MKLN1: variants seen among roughly 807,000 people sequenced by gnomAD.
MKLN1 encodes muskelin 1.
In MKLN1, 18 loss-of-function variants were observed where a neutral mutation model predicts 99.0. The ratio of observed to expected loss-of-function variants is 0.18; its 90% CI spans 0.13 to 0.27. The LOEUF (loss-of-function observed/expected upper bound fraction) is 0.27. Among genes scored for constraint, MKLN1 ranks in the 10% least tolerant of loss-of-function variants. The pLI, the probability that MKLN1 is intolerant of heterozygous loss-of-function variation, is 1.00. For synonymous variants in MKLN1, 288 were observed against 293.2 expected (o/e 0.98, Z 0.18); for missense variants, 621 against 875.9 (o/e 0.71, Z 3.67).
intron 3 of MKLN1, among the ~76,000 whole-genome samples, chr7:131,296,444 T>C (rs1798292853): frequency 6.6e-6 from 1 of 152,178 alleles, no homozygotes; most frequent in East Asian, 1.9e-4. Flanking sequence ...ACACCAGAAA[T>C]AATTAACAGT....
At chr7:131,356,886 G>A (rs1371322133) in intron 1 of MKLN1, among the ~76,000 whole-genome samples, 1 of 152,136 alleles carries the variant, frequency 6.6e-6, no homozygotes, top group Non-Finnish European at 1.5e-5. Flanking sequence ...GGGGCATAAG[G>A]CAGAAGGAGG....
chr7:131,205,756 G>A (rs998570573), intron 3 of MKLN1, among the ~76,000 whole-genome samples: 3 of 152,104 alleles, frequency 2.0e-5, no homozygotes, highest in African/African-American at 4.8e-5. Context: ...GCCACTGGCT[G>A]CTCCTAGAGG....
At chr7:131,185,438 T>A (rs1331586807) in intron 2 of MKLN1, among the ~76,000 whole-genome samples, 3 of 106,654 alleles carry the variant, frequency 2.8e-5, no homozygotes, top group Non-Finnish European at 6.3e-5. Context: ...AAAAAAAAAA[T>A]TAGCCAGACA....
chr7:131,325,380 C>A (rs780965818), upstream of MKLN1, among the ~76,000 whole-genome samples: 2 of 152,070 alleles, frequency 1.3e-5, no homozygotes, highest in African/African-American at 2.4e-5. Context: ...GTCACCTAAT[C>A]CCAGAGCAGG....
At chr7:131,153,807 C>T (rs553991898) in intron 2 of MKLN1, among the ~76,000 whole-genome samples, 8 of 151,738 alleles carry the variant, frequency 5.3e-5, no homozygotes, top group South Asian at 2.1e-4. Flanking sequence ...GGATTACAGG[C>T]GTGCACCACC....
intron 1 of MKLN1, among the ~76,000 whole-genome samples, chr7:131,120,297 G>A (rs534754687): frequency 7.7e-4 from 117 of 151,788 alleles, no homozygotes; most frequent in African/African-American, 2.6e-3. Flanking sequence ...AGGCCGAGGC[G>A]GGTGGATCAC....
intron 3 of MKLN1, among the ~76,000 whole-genome samples, chr7:131,262,621 G>C (rs901157718): frequency 6.6e-6 from 1 of 151,000 alleles, no homozygotes; most frequent in East Asian, 2.0e-4. Flanking sequence ...TGCGATCTCC[G>C]CTCACTGCAA....
At chr7:131,181,825 A>G (rs558875417) in intron 2 of MKLN1, among the ~76,000 whole-genome samples, 3 of 152,132 alleles carry the variant, frequency 2.0e-5, no homozygotes, top group African/African-American at 7.2e-5. Context: ...ACGCCCAGCT[A>G]ATTTTTGTAT....
chr7:131,293,196 G>A (rs1798246659), intron 3 of MKLN1, among the ~76,000 whole-genome samples: 1 of 152,088 alleles, frequency 6.6e-6, no homozygotes, highest in African/African-American at 2.4e-5. Context: ...GAGGCTAATG[G>A]AACTGAGCCC....
At chr7:131,194,984 G>A (rs1319986158) in intron 2 of MKLN1, among the ~76,000 whole-genome samples, 1 of 152,138 alleles carries the variant, frequency 6.6e-6, no homozygotes, top group Non-Finnish European at 1.5e-5. Context: ...GCATGTGACT[G>A]ACTACAGCTG....
At chr7:131,251,121 G>GTGTATGTGTA in intron 3 of MKLN1, among the ~76,000 whole-genome samples, 1 of 148,078 alleles carries the variant, frequency 6.8e-6, no homozygotes, top group East Asian at 1.9e-4. Flanking sequence ...GTGTGTGTGT[G>GTGTATGTGTA]TGTGTACCAT....
intron 4 of MKLN1, among the ~76,000 whole-genome samples, chr7:131,396,325 G>C (rs1457105598): frequency 6.6e-6 from 1 of 152,002 alleles, no homozygotes; most frequent in Admixed American, 6.6e-5. Context: ...CTCTTGCCAC[G>C]GCCTCCCAAA....
chr7:131,485,045 G>C (rs988397749), intron 17 of MKLN1, among the ~76,000 whole-genome samples: 2 of 152,056 alleles, frequency 1.3e-5, no homozygotes, highest in African/African-American at 4.8e-5. Flanking sequence ...AATTAGCACA[G>C]CTGTTCTTGT....
intron 3 of MKLN1, among the ~76,000 whole-genome samples, chr7:131,298,672 T>C (rs1798331075): frequency 6.6e-6 from 1 of 152,236 alleles, no homozygotes; most frequent in African/African-American, 2.4e-5. Flanking sequence ...CTCCTAAGTG[T>C]GTTAGTTGTC....
chr7:131,388,223 A>G lies in MKLN1; in HGVS notation c.312-661A>G, dbSNP rs543526341. On this transcript the variant is annotated intron_variant, in intron 3 of 17. Transcript: ENST00000352689. ...TTGTGACATGGTATGGCCCATTAAC[A>G]TAATATTTTATATAAGCAAATACTC... Among the ~76,000 whole-genome samples the G allele has an allele frequency of 2.2e-4, 29 of 132,684 alleles. No individual in the cohort carries two copies. In the East Asian group the frequency reaches 6.7e-3, roughly 31 times the overall value. The allele number at this position is 132,684 out of a possible 152,430, so 87.0% of individuals were successfully genotyped here.
chr7:131,421,037 C>T (rs1795175927), intron 8 of MKLN1, among the ~76,000 whole-genome samples: 1 of 152,122 alleles, frequency 6.6e-6, no homozygotes, highest in African/African-American at 2.4e-5. Context: ...TCAGATTCTA[C>T]TTGTTATGCC....
At chr7:131,257,418 A>C (rs990800) in intron 3 of MKLN1, among the ~76,000 whole-genome samples, 82,706 of 151,712 alleles carry the variant, frequency 0.55, 24,350 homozygotes, top group Admixed American at 0.69. Flanking sequence ...TAATGAAAGC[A>C]AAACAAACCA....
intron 8 of MKLN1, among the ~76,000 whole-genome samples, chr7:131,422,834 C>T (rs1378047995): frequency 1.3e-5 from 2 of 151,802 alleles, no homozygotes; most frequent in African/African-American, 4.8e-5. Context: ...ATTTTCAAAG[C>T]TTTCTTCCCT....
At chr7:131,356,989 C>T (rs1799904027) in intron 1 of MKLN1, among the ~76,000 whole-genome samples, 1 of 152,156 alleles carries the variant, frequency 6.6e-6, no homozygotes, top group African/African-American at 2.4e-5. Flanking sequence ...AAGGAAAGTA[C>T]ACCTTGGAAG....
Sources: gnomAD v4.1 joint callset for allele counts (sites outside exome capture counted in the v4.1 genomes callset) on GRCh38, gnomAD v4.1.1 for gene constraint, MANE v1.5 for transcripts, NCBI Gene and HGNC (gene_info 2026-07-23, HGNC 2026-07-21) for gene names.